SLC44A1: variants seen among roughly 807,000 people sequenced by gnomAD.
SLC44A1 encodes the protein solute carrier family 44 member 1, also known as choline transporter-like protein 1.
In SLC44A1, 26 loss-of-function variants were observed where a neutral mutation model predicts 79.3. That is an observed-to-expected ratio of 0.33 (90% CI 0.24 to 0.46). SLC44A1 has a LOEUF of 0.46. Among genes scored for constraint, SLC44A1 ranks in the 20% least tolerant of loss-of-function variants. The pLI, the probability that SLC44A1 is intolerant of heterozygous loss-of-function variation, is 1.00. For missense variants in SLC44A1, 688 were observed against 798.1 expected, an observed-to-expected ratio of 0.86 and a Z score of 1.66; for synonymous variants, 263 against 286.2, an observed-to-expected ratio of 0.92 and a Z score of 0.82.
At chr9:105,434,024 G>A in intron 15 of SLC44A1, among the ~76,000 whole-genome samples, 1 of 152,142 alleles carries the variant, frequency 6.6e-6, no homozygotes, top group East Asian at 1.9e-4. Flanking sequence ...AGATAATAGA[G>A]AGGATTGTAA....
chr9:105,268,973 C>T (rs1481699341), intron 1 of SLC44A1, among the ~76,000 whole-genome samples: 2 of 152,154 alleles, frequency 1.3e-5, no homozygotes, highest in African/African-American at 4.8e-5. Context: ...CCCTTTTGTG[C>T]TCTTGTTTCT....
At chr9:105,420,190 G>A (rs1006177547) in intron 15 of SLC44A1, among the ~76,000 whole-genome samples, 8 of 152,104 alleles carry the variant, frequency 5.3e-5, no homozygotes, top group African/African-American at 7.2e-5. Context: ...AGCAGAATGC[G>A]CCCTATTGCC....
chr9:105,261,015 A>G (rs1229868899), intron 1 of SLC44A1, among the ~76,000 whole-genome samples: 1 of 152,206 alleles, frequency 6.6e-6, no homozygotes, highest in Non-Finnish European at 1.5e-5. Flanking sequence ...ATACTTGTCA[A>G]GATTATGGTT....
chr9:105,341,841 T>C (rs772579267), intron 4 of SLC44A1, among the ~76,000 whole-genome samples: 1 of 152,228 alleles, frequency 6.6e-6, no homozygotes, highest in Non-Finnish European at 1.5e-5. Context: ...GTTATTTTTA[T>C]TCATCTCTAA....
rs1828601147 is a variant in SLC44A1, at chr9:105,385,418, G to T, written c.1870-4G>T. 5 of 1,573,858 alleles carry T rather than the reference G, an allele frequency of 3.2e-6. No homozygotes were observed. Among genetic ancestry groups the T allele is most frequent in the Non-Finnish European group, 3.5e-6 (4 of 1,156,938 alleles). ...ATTTATTCAATATGGTCCATATTTT[G>T]CAGGAGTTTGTGGAAAACAGTAGGA... On this transcript the variant is annotated splice_region_variant and splice_polypyrimidine_tract_variant and intron_variant, in intron 14 of 15. Coordinates refer to ENST00000374720, the MANE Select transcript of SLC44A1 (RefSeq NM_080546.5).
intron 1 of SLC44A1, among the ~76,000 whole-genome samples, chr9:105,292,997 T>A (rs952930073): frequency 6.6e-6 from 1 of 150,784 alleles, no homozygotes; most frequent in African/African-American, 2.4e-5. Flanking sequence ...CCAATCCATT[T>A]AAAAAAAAAA....
chr9:105,365,178 A>G (rs1827901153), intron 10 of SLC44A1, among the ~76,000 whole-genome samples: 1 of 152,186 alleles, frequency 6.6e-6, no homozygotes, highest in African/African-American at 2.4e-5. Flanking sequence ...ATCTTTTTAA[A>G]TTCTGTTTTC....
intron 15 of SLC44A1, among the ~76,000 whole-genome samples, chr9:105,415,359 T>C (rs1829153829): frequency 6.6e-6 from 1 of 152,222 alleles, no homozygotes; most frequent in Non-Finnish European, 1.5e-5. Flanking sequence ...AATCAGAATC[T>C]CTGCAGCCAG....
intron 15 of SLC44A1, among the ~76,000 whole-genome samples, chr9:105,432,416 G>C (rs1341935026): frequency 6.6e-6 from 1 of 152,180 alleles, no homozygotes; most frequent in Admixed American, 6.5e-5. Context: ...TTGCTTTGTT[G>C]AAGGTAGGAG....
chr9:105,322,121 T>C (rs1826412053), intron 3 of SLC44A1, among the ~76,000 whole-genome samples: 1 of 152,062 alleles, frequency 6.6e-6, no homozygotes, highest in South Asian at 2.1e-4. Flanking sequence ...ACCGTGGAAG[T>C]GGAGAAGAGA....
At chr9:105,427,646 A>G (rs181372909) in intron 15 of SLC44A1, among the ~76,000 whole-genome samples, 1 of 152,308 alleles carries the variant, frequency 6.6e-6, no homozygotes, top group Non-Finnish European at 1.5e-5. Flanking sequence ...TTTTTATTAT[A>G]GAGATATCTT....
intron 3 of SLC44A1, among the ~76,000 whole-genome samples, chr9:105,324,640 T>C (rs1377110749): frequency 6.6e-6 from 1 of 152,166 alleles, no homozygotes; most frequent in Non-Finnish European, 1.5e-5. Flanking sequence ...CTAGTGAATA[T>C]CTGTGCCTTA....
At chr9:105,376,100 G>T (rs1206624796) in intron 13 of SLC44A1, among the ~76,000 whole-genome samples, 1 of 152,044 alleles carries the variant, frequency 6.6e-6, no homozygotes, top group African/African-American at 2.4e-5. Flanking sequence ...CCCTTAGGTT[G>T]CTCTAGCCAA....
chr9:105,374,148 A>G (rs914862041), intron 12 of SLC44A1, among the ~76,000 whole-genome samples: 1 of 152,218 alleles, frequency 6.6e-6, no homozygotes, highest in Non-Finnish European at 1.5e-5. Flanking sequence ...GAAAGCCACC[A>G]AGGAGGAGAT....
chr9:105,246,862 A>G (rs1354696843), intron 1 of SLC44A1, among the ~76,000 whole-genome samples: 1 of 152,138 alleles, frequency 6.6e-6, no homozygotes, highest in East Asian at 1.9e-4. Context: ...TCCACGTCAT[A>G]CTTTTCAGAA....
chr9:105,246,961 G>T (rs191324766), intron 1 of SLC44A1, among the ~76,000 whole-genome samples: 1 of 152,260 alleles, frequency 6.6e-6, no homozygotes, highest in East Asian at 1.9e-4. Flanking sequence ...ATGCACCCAA[G>T]GGGTGCATTT....
At chr9:105,432,892 A>C (rs761365998) in intron 15 of SLC44A1, among the ~76,000 whole-genome samples, 44 of 152,212 alleles carry the variant, frequency 2.9e-4, no homozygotes, top group Non-Finnish European at 6.0e-4. Flanking sequence ...TAAGAACTTC[A>C]GTTCATCAAA....
rs1342159806 is a variant in SLC44A1 at position 105,414,050 on chromosome 9, G to T, written c.1951-24231G>T. Among the ~76,000 whole-genome samples the T allele has an allele frequency of 5.1e-4, 71 of 140,334 alleles. 1 individual carries two copies. The highest frequency in any genetic ancestry group is 2.3e-3 in the South Asian group (10 of 4,418). 92.1% of individuals were successfully genotyped at this position (140,334 alleles called of 152,430 possible). A position where few individuals can be genotyped will look rare whatever the true frequency, so the allele number is the denominator to read the frequency against. ...GCTTTCGCTGGACAGTTAGTGTTTG[G>T]TTTTTTTTTTTTTTGTATTTTTGTT... On this transcript the variant is annotated intron_variant, in intron 15 of 15. Transcript: ENST00000374724.
chr9:105,437,204 C>T (rs1409089157), intron 15 of SLC44A1, among the ~76,000 whole-genome samples: 2 of 152,102 alleles, frequency 1.3e-5, no homozygotes, highest in East Asian at 1.9e-4. Flanking sequence ...CATATTGTTA[C>T]ACCTCTGTTA....
Sources: gnomAD v4.1 joint callset for allele counts (sites outside exome capture counted in the v4.1 genomes callset) on GRCh38, gnomAD v4.1.1 for gene constraint, MANE v1.5 for transcripts, NCBI Gene and HGNC (gene_info 2026-07-23, HGNC 2026-07-21) for gene names.